The following SNTG1 variants were observed in gnomAD, a reference collection of about 807,000 sequenced individuals.
The protein encoded by SNTG1 is syntrophin gamma 1, also known as gamma-1-syntrophin.
In SNTG1, 39 loss-of-function variants were observed where a neutral mutation model predicts 74.7. That is an observed-to-expected ratio of 0.52 (90% CI 0.40 to 0.68). SNTG1 has a LOEUF of 0.68. Among genes scored for constraint, SNTG1 ranks in the 30% least tolerant of loss-of-function variants. The pLI is 0.00. For synonymous variants in SNTG1, 254 were observed against 217.1 expected, an observed-to-expected ratio of 1.17 and a Z score of -1.49; for missense variants, 685 against 609.5, an observed-to-expected ratio of 1.12 and a Z score of -1.30.
At chr8:50,520,894 C>A (rs1248299831) in intron 9 of SNTG1, among the ~76,000 whole-genome samples, 1 of 152,080 alleles carries the variant, frequency 6.6e-6, no homozygotes, top group Non-Finnish European at 1.5e-5. Context: ...ACGAGAAATA[C>A]AATTTGACCC....
chr8:50,214,906 G>C (rs2084704525), intron 2 of SNTG1, among the ~76,000 whole-genome samples: 1 of 152,216 alleles, frequency 6.6e-6, no homozygotes, highest in African/African-American at 2.4e-5. Flanking sequence ...AGGGGAAACT[G>C]TCTCGCAACT....
intron 2 of SNTG1, among the ~76,000 whole-genome samples, chr8:50,372,228 G>A (rs992781551): frequency 6.6e-6 from 1 of 151,540 alleles, no homozygotes; most frequent in Admixed American, 6.6e-5. Context: ...GTGTGTGTGT[G>A]TGTGTGGTGG....
At chr8:50,108,325 A>G (rs2080458223) in intron 1 of SNTG1, among the ~76,000 whole-genome samples, 2 of 152,204 alleles carry the variant, frequency 1.3e-5, no homozygotes, top group Non-Finnish European at 2.9e-5. Flanking sequence ...AAGAGATATT[A>G]CAAAGTACAA....
intron 17 of SNTG1, among the ~76,000 whole-genome samples, chr8:50,719,949 A>AT (rs201421141): frequency 2.0e-5 from 3 of 151,956 alleles, no homozygotes; most frequent in Non-Finnish European, 2.9e-5. Context: ...GATGAAATAT[A>AT]TTTTTTTTAT....
At chr8:49,927,196 T>C (rs1807107846) in intron 1 of SNTG1, among the ~76,000 whole-genome samples, 1 of 152,178 alleles carries the variant, frequency 6.6e-6, no homozygotes, top group African/African-American at 2.4e-5. Context: ...AGTTGGGGAC[T>C]TTTTTACAAG....
At chr8:50,084,817 G>A (rs1392140080) in intron 1 of SNTG1, among the ~76,000 whole-genome samples, 3 of 152,164 alleles carry the variant, frequency 2.0e-5, no homozygotes, top group Non-Finnish European at 4.4e-5. Context: ...AGTTATTGCA[G>A]GAGTTCAGCC....
intron 13 of SNTG1, among the ~76,000 whole-genome samples, chr8:50,623,803 C>G (rs10107585): frequency 0.83 from 125,862 of 151,934 alleles, 52,639 homozygotes; most frequent in African/African-American, 0.94. Context: ...AACTAGTAAT[C>G]TTTTAAAAAT....
chr8:50,034,393 T>C (rs1274999766), intron 1 of SNTG1, among the ~76,000 whole-genome samples: 2 of 152,270 alleles, frequency 1.3e-5, no homozygotes, highest in African/African-American at 4.8e-5. Context: ...CAAGGTTGTC[T>C]GAGCTCCTAG....
chr8:50,289,130 T>C (rs2088947041), intron 2 of SNTG1, among the ~76,000 whole-genome samples: 1 of 152,134 alleles, frequency 6.6e-6, no homozygotes, highest in South Asian at 2.1e-4. Flanking sequence ...ATAAATAGTA[T>C]ATAATAAGCC....
chr8:50,392,806 G>T (rs2092680102), intron 2 of SNTG1, among the ~76,000 whole-genome samples: 1 of 152,096 alleles, frequency 6.6e-6, no homozygotes, highest in South Asian at 2.1e-4. Flanking sequence ...AATGTGCCAT[G>T]TTATGAAATA....
In SNTG1 at chr8:50,581,560, T is replaced by C. The variant is rs548024085; in HGVS notation, c.811-9319T>C. ...AATCTTGTATGCATGGTATGAATTC[T>C]ACATTTTGAAGCCATCAGAATTACT... On this transcript the variant is annotated intron_variant, in intron 12 of 18. Coordinates refer to ENST00000642720, the MANE Select transcript of SNTG1 (RefSeq NM_018967.5). Among the ~76,000 whole-genome samples, 132 of 152,334 alleles carry C rather than the reference T, an allele frequency of 8.7e-4. 2 individuals carry two copies. Among genetic ancestry groups the C allele is most frequent in the Admixed American group, 2.0e-4 (3 of 15,304 alleles).
intron 1 of SNTG1, among the ~76,000 whole-genome samples, chr8:49,916,317 T>G (rs556966341): frequency 1.1e-4 from 17 of 152,210 alleles, no homozygotes; most frequent in Non-Finnish European, 1.8e-4. Flanking sequence ...ATCCTTAAAT[T>G]TTCACCGTGA....
intron 11 of SNTG1, among the ~76,000 whole-genome samples, chr8:50,542,158 TG>T (rs2094352963): frequency 6.7e-6 from 1 of 148,700 alleles, no homozygotes; most frequent in African/African-American, 2.5e-5. Context: ...ACTTTCTTTC[TG>T]TTTTTTTTTT....
rs560738745 is a variant in SNTG1 at position 50,496,485 on chromosome 8, G to A, written c.364-6293G>A. Among the ~76,000 whole-genome samples, 5 of 152,236 alleles carry A rather than the reference G, an allele frequency of 3.3e-5. No homozygotes were observed. The South Asian group carries it at 1.0e-3, about 32-fold the overall frequency. On this transcript the variant is annotated intron_variant, in intron 8 of 18. Coordinates refer to ENST00000642720, the MANE Select transcript of SNTG1 (RefSeq NM_018967.5). ...GGCTTTATATTGCAGAGCAGTGGCAGGTAGCTAAATTCCTCCTTAGAATCT... is the reference window on the plus strand; with the variant it reads ...GGCTTTATATTGCAGAGCAGTGGCAAGTAGCTAAATTCCTCCTTAGAATCT...
intron 1 of SNTG1, among the ~76,000 whole-genome samples, chr8:50,071,178 A>G (rs191525915): frequency 7.3e-4 from 111 of 152,288 alleles, no homozygotes; most frequent in African/African-American, 2.7e-3. Context: ...GGACCTCATT[A>G]GTCCATCACA....
intron 13 of SNTG1, among the ~76,000 whole-genome samples, chr8:50,635,533 T>C (rs2095033548): frequency 2.0e-5 from 3 of 152,136 alleles, no homozygotes; most frequent in Non-Finnish European, 4.4e-5. Context: ...TTCCTTCCCT[T>C]TTACACAGGC....
At chr8:50,513,444 G>A (rs1475869373) in intron 9 of SNTG1, among the ~76,000 whole-genome samples, 1 of 152,250 alleles carries the variant, frequency 6.6e-6, no homozygotes, top group Non-Finnish European at 1.5e-5. Flanking sequence ...CTTCAAAGCT[G>A]TCAGACAGGG....
chr8:50,117,986 G>T (rs922788599), intron 1 of SNTG1, among the ~76,000 whole-genome samples: 1 of 152,102 alleles, frequency 6.6e-6, no homozygotes, highest in African/African-American at 2.4e-5. Flanking sequence ...AGGGAAAGAT[G>T]CTGACCACTG....
At chr8:50,260,829 T>C (rs1420101796) in intron 2 of SNTG1, among the ~76,000 whole-genome samples, 1 of 151,590 alleles carries the variant, frequency 6.6e-6, no homozygotes, top group Non-Finnish European at 1.5e-5. Flanking sequence ...ATGGGCTTAT[T>C]AGGAGAATGA....
Sources: gnomAD v4.1 joint callset for allele counts (sites outside exome capture counted in the v4.1 genomes callset) on GRCh38, gnomAD v4.1.1 for gene constraint, MANE v1.5 for transcripts, NCBI Gene and HGNC (gene_info 2026-07-23, HGNC 2026-07-21) for gene names.